Variants in PVALB observed in about 807,000 individuals in gnomAD.
PVALB encodes parvalbumin.
PVALB carries 11 observed loss-of-function variants against 10.9 expected under a neutral mutation model. The observed-to-expected ratio is 1.01, with a 90% CI of 0.63 to 1.67. The LOEUF (loss-of-function observed/expected upper bound fraction) is 1.67. Ranked by LOEUF, PVALB falls within the 40% of genes most tolerant of loss-of-function variation. The pLI is 0.00. For missense variants in PVALB, 131 were observed against 136.2 expected (o/e 0.96, Z 0.19); for synonymous variants, 57 against 50.7 (o/e 1.12, Z -0.53).
chr22:36,809,442 AACTAT>A (rs1429328462), intron 3 of PVALB, among the ~76,000 whole-genome samples: 1 of 152,190 alleles, frequency 6.6e-6, no homozygotes, highest in Non-Finnish European at 1.5e-5. Flanking sequence ...TAGTAAATTA[AACTAT>A]GAATGAATGA....
intron 3 of PVALB, among the ~76,000 whole-genome samples, chr22:36,806,091 C>A (rs1266990714): frequency 6.6e-6 from 1 of 151,946 alleles, no homozygotes; most frequent in African/African-American, 2.4e-5. Context: ...GTGCCCAGCA[C>A]AGTGCCTGGC....
At chr22:36,813,487 A>G in intron 3 of PVALB, 159 bp downstream of exon 3, 1 of 606,636 alleles carries the variant, frequency 1.6e-6, no homozygotes, top group Non-Finnish European at 3.0e-6. Flanking sequence ...AGTATGTGGC[A>G]GAGCTCTCAG....
intron 3 of PVALB, among the ~76,000 whole-genome samples, chr22:36,809,343 TGAAAAA>T (rs1022497986): frequency 5.9e-5 from 9 of 152,166 alleles, no homozygotes; most frequent in African/African-American, 2.2e-4. Context: ...GGATTAGAAC[TGAAAAA>T]AACAAAGTTC....
At chr22:36,804,243 G>T (rs1938916719) in intron 3 of PVALB, among the ~76,000 whole-genome samples, 1 of 152,214 alleles carries the variant, frequency 6.6e-6, no homozygotes, top group Admixed American at 6.5e-5. Context: ...ACGGGATTTG[G>T]TGCAGCTGGT....
Position 36,800,754 on chromosome 22 carries a change from C to A in PVALB, c.*136G>T. The stretch of plus-strand genomic sequence containing the variant: ...CCAGCATTTTCCAGAAGAATGGTGT[C>A]ATTAGAGGGCCACAGGGGATGGGGG... On this transcript the variant is annotated 3_prime_UTR_variant, in exon 4 of 4. Coordinates refer to ENST00000417718, the MANE Select transcript of PVALB (RefSeq NM_001315532.2). The A allele has an allele frequency of 1.1e-6, 1 of 944,950 alleles. No individual in the cohort carries two copies. Among genetic ancestry groups the A allele is most frequent in the South Asian group, 1.4e-5 (1 of 73,322 alleles). 58.5% of individuals were successfully genotyped at this position (944,950 alleles called of 1,614,324 possible).
At chr22:36,817,162 G>T (rs1051500675), upstream of PVALB, 13 of 614,258 alleles carry the variant, frequency 2.1e-5, no homozygotes, top group African/African-American at 2.4e-4. Context: ...GAGCGCAGCG[G>T]GAGCGGCTCA....
intron 1 of PVALB, among the ~76,000 whole-genome samples, chr22:36,815,564 G>A (rs1390602173): frequency 1.3e-5 from 2 of 152,126 alleles, no homozygotes; most frequent in African/African-American, 4.8e-5. Context: ...TGAGAACCTT[G>A]TGCCCAGGAA....
chr22:36,815,806 G>A (rs1055313278), intron 1 of PVALB, among the ~76,000 whole-genome samples: 1 of 152,118 alleles, frequency 6.6e-6, no homozygotes, highest in African/African-American at 2.4e-5. Context: ...CAGTGGGAAG[G>A]GGGTGTTAGG....
At chr22:36,807,028 G>T (rs1034657295) in intron 3 of PVALB, among the ~76,000 whole-genome samples, 2 of 152,220 alleles carry the variant, frequency 1.3e-5, no homozygotes. Context: ...GGCCAGTTAT[G>T]TAAGGAAGGC....
intron 3 of PVALB, among the ~76,000 whole-genome samples, chr22:36,802,547 G>A (rs1449694448): frequency 2.2e-5 from 3 of 137,848 alleles, no homozygotes; most frequent in African/African-American, 8.2e-5. Flanking sequence ...GTTGCAGTGA[G>A]CCGAGATCGT....
intron 3 of PVALB, among the ~76,000 whole-genome samples, chr22:36,809,331 TG>T (rs1210913145): frequency 1.3e-5 from 2 of 152,222 alleles, no homozygotes; most frequent in Non-Finnish European, 1.5e-5. Flanking sequence ...TTCTAGGTGC[TG>T]GGATTAGAAC....
At chr22:36,802,404 T>C (rs13057439) in intron 3 of PVALB, among the ~76,000 whole-genome samples, 31,310 of 151,486 alleles carry the variant, frequency 0.21, 3,848 homozygotes, top group African/African-American at 0.34. Flanking sequence ...AGATCGAGAC[T>C]ATCCTGGCCA....
intron 3 of PVALB, among the ~76,000 whole-genome samples, chr22:36,806,504 C>T (rs762917): frequency 0.39 from 59,973 of 152,030 alleles, 12,080 homozygotes; most frequent in Non-Finnish European, 0.43. Flanking sequence ...GAAACTGAGC[C>T]GGCCATTGAG....
upstream of PVALB, among the ~76,000 whole-genome samples, chr22:36,818,033 G>T (rs561831762): frequency 6.6e-6 from 1 of 152,256 alleles, no homozygotes; most frequent in African/African-American, 2.4e-5. Flanking sequence ...CCAGAGACCC[G>T]TTGTGTTCTT....
chr22:36,811,358 A>G (rs560407225), intron 3 of PVALB: 127 of 388,332 alleles, frequency 3.3e-4, no homozygotes, highest in South Asian at 2.3e-3. Context: ...GCTGGGCACT[A>G]CAGGCCACAT....
In PVALB at chr22:36,812,951, G is replaced by T. The variant is rs59208382; in HGVS notation, c.304+695C>A. The stretch of plus-strand genomic sequence containing the variant: ...CATGAATGCCACACAGAGCCAAATG[G>T]AGAAAGGAGTGGACGGTGGGCCACT... On this transcript the variant is annotated intron_variant, in intron 3 of 3. Coordinates refer to ENST00000417718, the MANE Select transcript of PVALB (RefSeq NM_001315532.2). Among the ~76,000 whole-genome samples, 864 of 152,334 alleles carry T rather than the reference G, an allele frequency of 5.7e-3. 16 individuals carry two copies. Among genetic ancestry groups the T allele is most frequent in the East Asian group, 0.02 (103 of 5,190 alleles).
intron 2 of PVALB, among the ~76,000 whole-genome samples, chr22:36,814,198 T>C (rs946758594): frequency 6.6e-5 from 10 of 150,754 alleles, no homozygotes; most frequent in Non-Finnish European, 1.3e-4. Context: ...CCACCTGCGG[T>C]GAGGGGAGGA....
At chr22:36,804,291 G>A (rs185217639) in intron 3 of PVALB, among the ~76,000 whole-genome samples, 10 of 152,322 alleles carry the variant, frequency 6.6e-5, no homozygotes, top group Non-Finnish European at 4.4e-5. Flanking sequence ...GGGACTCTCC[G>A]GTGACGGAAA....
intron 3 of PVALB, among the ~76,000 whole-genome samples, chr22:36,805,848 A>G (rs370914930): frequency 3.4e-4 from 52 of 152,260 alleles, no homozygotes; most frequent in African/African-American, 1.1e-3. Context: ...TCCTGAAACT[A>G]AGCAAGACAA....
Sources: allele counts gnomAD v4.1 joint callset (sites outside exome capture counted in the v4.1 genomes callset), GRCh38; gene constraint gnomAD v4.1.1; transcripts MANE v1.5; gene names NCBI Gene and HGNC (gene_info 2026-07-23, HGNC 2026-07-21).